Variants in ODR4 observed in about 807,000 individuals in gnomAD.
ODR4 encodes the protein protein odr-4 homolog.
Under a neutral mutation model 60.2 loss-of-function variants are expected in ODR4, and 47 were observed. That is an observed-to-expected ratio of 0.78 (90% CI 0.62 to 1.00). ODR4 has a LOEUF of 1.00. ODR4 is among the 50% of genes least tolerant of loss of function. The pLI is 0.00. For synonymous variants in ODR4, 178 were observed against 175.5 expected, an observed-to-expected ratio of 1.01 and a Z score of -0.11; for missense variants, 488 against 530.8, an observed-to-expected ratio of 0.92 and a Z score of 0.79.
At position 186,389,596 on chromosome 1, in the gene ODR4, G is replaced by C. The variant is rs1369102946; in HGVS notation, c.446G>C (p.Cys149Ser). 6.5e-7 allele frequency: 1 copy of C among 1,539,008 alleles called. No individual in the cohort carries two copies. The highest frequency in any genetic ancestry group is 1.4e-5 in the African/African-American group (1 of 71,794). The change falls in exon 6 of 14, where the codon TGT becomes TCT. Residue 149 changes from cysteine (C) to serine (S), a missense_variant. Physicochemically the swap from Cys to Ser is moderately radical, Grantham distance 112. Coordinates refer to ENST00000287859, the MANE Select transcript of ODR4 (RefSeq NM_017847.6). ...HICASTKKIF[C>S]RTYDIHDPKS... The stretch of plus-strand genomic sequence containing the variant: ...GTCCTTAATTAGTGAAGAATATTTT[G>C]TCGAACTTATGATATCCATGATCCA...
At position 186,406,010 on chromosome 1, in the gene ODR4, A is replaced by G. The variant is rs997865751; in HGVS notation, c.1001-73A>G. The G allele has an allele frequency of 3.8e-6, 4 of 1,040,036 alleles. No individual in the cohort carries two copies. In the African/African-American group the frequency reaches 6.6e-5, roughly 17 times the overall value. The allele number at this position is 1,040,036 out of a possible 1,614,324, so 64.4% of individuals were successfully genotyped here. A position where few individuals can be genotyped will look rare whatever the true frequency, so the allele number is the denominator to read the frequency against. On this transcript the variant is annotated intron_variant, in intron 11 of 13. Coordinates refer to ENST00000287859, the MANE Select transcript of ODR4 (RefSeq NM_017847.6). Reference sequence around the variant, plus strand: ...TTTATTTCTATTAGTTTTTGTATGTACTTCTAAAATATGTATCACTGATAC... The same window carrying G: ...TTTATTTCTATTAGTTTTTGTATGTGCTTCTAAAATATGTATCACTGATAC...
chr1:186,391,731 T>G lies in ODR4; in HGVS notation c.651T>G (p.Asn217Lys). 3 of 1,604,936 alleles carry G rather than the reference T, an allele frequency of 1.9e-6. No homozygotes were observed. Among genetic ancestry groups the G allele is most frequent in the Non-Finnish European group, 2.6e-6 (3 of 1,175,808 alleles). The change falls in exon 8 of 14, where the codon AAT (asparagine) becomes AAG (lysine). Residue 217 changes from asparagine (N) to lysine (K), a missense_variant. Coordinates refer to ENST00000287859, the MANE Select transcript of ODR4 (RefSeq NM_017847.6). ...GLTRWAKEIE[N>K]GVYLINGQVK... Reference sequence around the variant, plus strand: ...CACGCTGGGCCAAGGAAATAGAAAATGGTGTTTATTTGATTAATGGACAAG... The same window carrying G: ...CACGCTGGGCCAAGGAAATAGAAAAGGGTGTTTATTTGATTAATGGACAAG...
intron 1 of ODR4, among the ~76,000 whole-genome samples, chr1:186,379,490 T>G (rs1216563277): frequency 6.6e-6 from 1 of 151,518 alleles, no homozygotes; most frequent in East Asian, 1.9e-4. Flanking sequence ...CTTACTAGTT[T>G]AGTATCCTCT....
intron 12 of ODR4, among the ~76,000 whole-genome samples, chr1:186,415,519 A>G (rs1411138568): frequency 6.6e-6 from 1 of 152,178 alleles, no homozygotes; most frequent in Non-Finnish European, 1.5e-5. Context: ...TTCATAATCT[A>G]GTTCCCTGGA....
downstream of ODR4, among the ~76,000 whole-genome samples, chr1:186,422,737 T>A (rs1661815155): frequency 6.6e-6 from 1 of 152,158 alleles, no homozygotes; most frequent in African/African-American, 2.4e-5. Flanking sequence ...AACAGCACTT[T>A]GAGGGAAATG....
chr1:186,410,907 C>T, intron 12 of ODR4, among the ~76,000 whole-genome samples: 1 of 151,832 alleles, frequency 6.6e-6, no homozygotes, highest in Non-Finnish European at 1.5e-5. Flanking sequence ...CCCAGCTACT[C>T]AGGAGGTGGA....
chr1:186,388,369 T>A, intron 4 of ODR4, 73 bp from the exon 5 acceptor site: 1 of 783,238 alleles, frequency 1.3e-6, no homozygotes. Context: ...GGGGACATTA[T>A]AATTGCCTAT....
At chr1:186,401,651 T>G (rs1660959128) in intron 11 of ODR4, among the ~76,000 whole-genome samples, 3 of 150,400 alleles carry the variant, frequency 2.0e-5, no homozygotes, top group Admixed American at 2.0e-4. Flanking sequence ...TTTGGTGTGA[T>G]GTATCACATT....
At chr1:186,379,981 T>A in intron 2 of ODR4, 97 bp downstream of exon 2, 1 of 690,268 alleles carries the variant, frequency 1.4e-6, no homozygotes, top group Non-Finnish European at 2.2e-6. Flanking sequence ...TGCTATTTAA[T>A]AATAAACTCA....
chr1:186,406,172 G>C lies in ODR4; in HGVS notation c.1090G>C (p.Asp364His). 1.2e-6 allele frequency: 2 copies of C among 1,612,196 alleles called. No individual in the cohort carries two copies. Among genetic ancestry groups the C allele is most frequent in the Non-Finnish European group, 1.7e-6 (2 of 1,179,016 alleles). ...AATGTTGTGTGATTATAAATTTGAC[G>C]ATGAGTCAGCTGAAGAAATCAGGGA... ...TVMLCDYKFD[D>H]ESAEEIRDHF... The change falls in exon 12 of 14, where the codon GAT becomes CAT. Residue 364 changes from aspartate to histidine, a missense_variant. Coordinates refer to ENST00000287859, the MANE Select transcript of ODR4 (RefSeq NM_017847.6).
At chr1:186,389,449 T>C in intron 5 of ODR4, 139 bp from the exon 6 acceptor site, 1 of 639,452 alleles carries the variant, frequency 1.6e-6, no homozygotes, top group Non-Finnish European at 2.7e-6. Flanking sequence ...TGTACATATA[T>C]GTACGCATAT....
At chr1:186,399,261 GTGGCACAGTCATGGCTCACC>G (rs1660823766) in intron 11 of ODR4, 1 of 542,642 alleles carries the variant, frequency 1.8e-6, no homozygotes, top group Admixed American at 2.4e-5. Context: ...CTGGGGTGCA[GTGGCACAGTCATGGCTCACC>G]TGCAGCCTCA....
chr1:186,377,217 T>C (rs1191495979), intron 1 of ODR4, among the ~76,000 whole-genome samples: 1 of 152,244 alleles, frequency 6.6e-6, no homozygotes, highest in African/African-American at 2.4e-5. Flanking sequence ...ACATCTTTAA[T>C]GATACAGATG....
Position 186,390,831 on chromosome 1 carries a change from A to C in ODR4, c.595A>C (p.Thr199Pro). The change falls in exon 7 of 14, where the codon ACT becomes CCT. Residue 199 changes from threonine (T) to proline (P), a missense_variant. Coordinates refer to ENST00000287859, the MANE Select transcript of ODR4 (RefSeq NM_017847.6). ...IPLSATSVSY[T>P]LEKNTKNGLT... ...ACTTTCTGCTACTTCTGTCAGCTAT[A>C]CTCTGGAGAAAAATACAAAGGTACC... 6.2e-7 allele frequency: 1 copy of C among 1,612,674 alleles called. No individual in the cohort carries two copies. Among genetic ancestry groups the C allele is most frequent in the South Asian group, 1.1e-5 (1 of 90,948 alleles).
rs1659999213 is a variant in ODR4 at position 186,381,021 on chromosome 1, T to TAGC, written c.99+1139_99+1141dup. 2.0e-5 allele frequency among the ~76,000 whole-genome samples: 3 copies of TAGC among 152,360 alleles called. No individual in the cohort carries two copies. The South Asian group carries it at 6.2e-4, about 32-fold the overall frequency. On this transcript the variant is annotated intron_variant, in intron 2 of 13. Coordinates refer to ENST00000287859, the MANE Select transcript of ODR4 (RefSeq NM_017847.6). The stretch of plus-strand genomic sequence containing the variant: ...GGCAGATCTACATGGTTCAACCAGG[T>TAGC]AGCACCACTCTGTGAGGCCTCTCAT...
chr1:186,430,199 T>G, the ODR4 span, among the ~76,000 whole-genome samples: 3 of 152,138 alleles, frequency 2.0e-5, no homozygotes, highest in Non-Finnish European at 2.9e-5. Flanking sequence ...TTTGTCTTAA[T>G]AATCAGAAGT....
At chr1:186,411,195 T>G (rs1420837674) in intron 12 of ODR4, among the ~76,000 whole-genome samples, 1 of 152,134 alleles carries the variant, frequency 6.6e-6, no homozygotes, top group African/African-American at 2.4e-5. Context: ...ATTCTTGGGT[T>G]AGGAATGCTA....
chr1:186,427,752 T>C, the ODR4 span, among the ~76,000 whole-genome samples: 1 of 152,232 alleles, frequency 6.6e-6, no homozygotes, highest in Admixed American at 6.5e-5. Context: ...ACAAAATGTA[T>C]TTCTTAAATA....
intron 7 of ODR4, 56 bp downstream of exon 7, chr1:186,390,907 A>T (rs1660444848): frequency 2.0e-6 from 3 of 1,499,158 alleles, no homozygotes; most frequent in Non-Finnish European, 2.7e-6. Context: ...ATCTGCTTTT[A>T]TTCTGCTTAC....
Sources: allele counts gnomAD v4.1 joint callset (sites outside exome capture counted in the v4.1 genomes callset), GRCh38; gene constraint gnomAD v4.1.1; transcripts MANE v1.5; gene names NCBI Gene and HGNC (gene_info 2026-07-23, HGNC 2026-07-21).